The following NCALD variants were observed in gnomAD, a reference collection of about 807,000 sequenced individuals.
The protein encoded by NCALD is neurocalcin delta, also known as neurocalcin-delta.
Under a neutral mutation model 18.6 loss-of-function variants are expected in NCALD, and 10 were observed. That is an observed-to-expected ratio of 0.54 (90% CI 0.33 to 0.91). The LOEUF (loss-of-function observed/expected upper bound fraction) is 0.91, where lower values mean the gene tolerates loss of function less well. Ranked by LOEUF, NCALD falls within the 40% of genes least tolerant of loss-of-function variation. NCALD has a pLI of 0.03. For synonymous variants in NCALD, 88 were observed against 87.4 expected, an observed-to-expected ratio of 1.01 and a Z score of -0.04; for missense variants, 184 against 247.6, an observed-to-expected ratio of 0.74 and a Z score of 1.72.
intron 1 of NCALD, among the ~76,000 whole-genome samples, chr8:102,114,615 T>C (rs148398156): frequency 4.5e-4 from 68 of 151,834 alleles, no homozygotes; most frequent in African/African-American, 1.7e-3. Context: ...CTGTGGTCTT[T>C]AGCACACACA....
At chr8:102,009,860 C>T (rs899261849) in intron 2 of NCALD, among the ~76,000 whole-genome samples, 1 of 152,164 alleles carries the variant, frequency 6.6e-6, no homozygotes, top group African/African-American at 2.4e-5. Context: ...AATGCTACCT[C>T]AGGAAAAAAG....
chr8:101,998,946 A>T (rs1366334113), intron 2 of NCALD, among the ~76,000 whole-genome samples: 1 of 152,172 alleles, frequency 6.6e-6, no homozygotes, highest in Non-Finnish European at 1.5e-5. Context: ...TCTTTTAGCA[A>T]ACTTAGTGTA....
intron 1 of NCALD, among the ~76,000 whole-genome samples, chr8:101,790,236 A>G (rs1371077741): frequency 6.6e-6 from 1 of 152,220 alleles, no homozygotes. Context: ...GCACACATGT[A>G]AAAGGTTCCA....
intron 1 of NCALD, among the ~76,000 whole-genome samples, chr8:102,095,742 T>A (rs1825073298): frequency 6.6e-6 from 1 of 152,138 alleles, no homozygotes; most frequent in African/African-American, 2.4e-5. Flanking sequence ...CTGAAGATGG[T>A]TTTTTCATTA....
chr8:102,057,467 G>C (rs1007860934), intron 1 of NCALD, among the ~76,000 whole-genome samples: 36 of 152,142 alleles, frequency 2.4e-4, no homozygotes, highest in African/African-American at 8.5e-4. Context: ...TTTAATAGAA[G>C]TTGTCTCTGG....
intron 2 of NCALD, among the ~76,000 whole-genome samples, chr8:101,967,461 A>G (rs1221942793): frequency 1.3e-5 from 2 of 152,160 alleles, no homozygotes; most frequent in Admixed American, 6.5e-5. Context: ...CGGAAGGGAC[A>G]GGAATCCTAG....
At chr8:101,908,159 ATAAAT>A (rs1463401449) in intron 3 of NCALD, among the ~76,000 whole-genome samples, 2 of 152,244 alleles carry the variant, frequency 1.3e-5, no homozygotes, top group Non-Finnish European at 2.9e-5. Flanking sequence ...TAAGATAGGA[ATAAAT>A]TCAGCCCCGA....
intron 1 of NCALD, among the ~76,000 whole-genome samples, chr8:101,772,332 C>G (rs1001108269): frequency 6.6e-6 from 1 of 152,166 alleles, no homozygotes; most frequent in African/African-American, 2.4e-5. Context: ...TCTGTAGGAT[C>G]CACTGTGGGA....
intron 1 of NCALD, among the ~76,000 whole-genome samples, chr8:101,739,938 G>C (rs1053258033): frequency 3.9e-5 from 6 of 152,096 alleles, no homozygotes; most frequent in African/African-American, 1.4e-4. Flanking sequence ...AATACACCCT[G>C]CTAAAATGGA....
At chr8:101,873,399 T>C (rs917398771) in intron 4 of NCALD, among the ~76,000 whole-genome samples, 9 of 152,210 alleles carry the variant, frequency 5.9e-5, no homozygotes, top group South Asian at 2.1e-4. Context: ...AGGCAAACCA[T>C]TGGAATTACT....
intron 4 of NCALD, among the ~76,000 whole-genome samples, chr8:101,798,756 A>G (rs1812732085): frequency 6.6e-6 from 1 of 152,256 alleles, no homozygotes; most frequent in Non-Finnish European, 1.5e-5. Flanking sequence ...ATTTCAGAAC[A>G]TATTATATAG....
chr8:101,723,493 C>CT (rs1398028392), intron 1 of NCALD, among the ~76,000 whole-genome samples: 4 of 152,084 alleles, frequency 2.6e-5, no homozygotes, highest in Non-Finnish European at 5.9e-5. Flanking sequence ...TTACACTCTC[C>CT]TATACTATCA....
intron 2 of NCALD, among the ~76,000 whole-genome samples, chr8:102,012,054 T>C (rs1821921541): frequency 6.6e-6 from 1 of 152,168 alleles, no homozygotes. Flanking sequence ...CTGTGAGGTG[T>C]AAAGTTTCAA....
intron 1 of NCALD, among the ~76,000 whole-genome samples, chr8:102,037,456 C>T (rs1027904599): frequency 2.1e-5 from 3 of 141,282 alleles, no homozygotes; most frequent in African/African-American, 7.7e-5. Context: ...AATGAAGCTA[C>T]CAAATTATAG....
chr8:102,107,560 C>G (rs1423520221), intron 1 of NCALD, among the ~76,000 whole-genome samples: 1 of 152,126 alleles, frequency 6.6e-6, no homozygotes, highest in African/African-American at 2.4e-5. Flanking sequence ...GGGCTGAGCT[C>G]ATTCAGCACA....
chr8:101,754,045 G>C (rs1481814364), intron 1 of NCALD, among the ~76,000 whole-genome samples: 1 of 152,138 alleles, frequency 6.6e-6, no homozygotes, highest in Non-Finnish European at 1.5e-5. Context: ...GCATGTCAGA[G>C]CCTGTGAAGT....
At chr8:101,872,142 T>C (rs1336460874) in intron 4 of NCALD, 15 of 1,606,570 alleles carry the variant, frequency 9.3e-6, no homozygotes, top group Non-Finnish European at 1.2e-5. Flanking sequence ...TCCTGGCAAG[T>C]CCACTGAGGT....
At chr8:102,105,489 A>G (rs976266373) in intron 1 of NCALD, among the ~76,000 whole-genome samples, 7 of 152,174 alleles carry the variant, frequency 4.6e-5, no homozygotes, top group African/African-American at 1.7e-4. Context: ...GACTAATAGG[A>G]ATCTCTTGCT....
intron 3 of NCALD, among the ~76,000 whole-genome samples, chr8:101,891,953 C>T (rs1816914263): frequency 6.6e-6 from 1 of 152,212 alleles, no homozygotes; most frequent in Non-Finnish European, 1.5e-5. Flanking sequence ...CCCGCAATTG[C>T]CCAGGCTTGC....
Sources: allele counts gnomAD v4.1 joint callset (sites outside exome capture counted in the v4.1 genomes callset), GRCh38; gene constraint gnomAD v4.1.1; transcripts MANE v1.5; gene names NCBI Gene and HGNC (gene_info 2026-07-23, HGNC 2026-07-21).